Variants in ABLIM2 observed in about 807,000 individuals in gnomAD.
ABLIM2 encodes the protein actin binding LIM protein family member 2, also known as actin-binding LIM protein 2.
In ABLIM2, 53 loss-of-function variants were observed where a neutral mutation model predicts 97.7. The ratio of observed to expected loss-of-function variants is 0.54; its 90% CI spans 0.44 to 0.68. The LOEUF is 0.68. ABLIM2 is among the 30% of genes least tolerant of loss of function. ABLIM2 has a pLI of 0.00. For missense variants in ABLIM2, 835 were observed against 867.2 expected (o/e 0.96, Z 0.47); for synonymous variants, 361 against 345.8 (o/e 1.04, Z -0.49).
At chr4:8,027,229 C>T (rs533633162) in intron 12 of ABLIM2, among the ~76,000 whole-genome samples, 5 of 152,294 alleles carry the variant, frequency 3.3e-5, no homozygotes, top group East Asian at 1.9e-4. Flanking sequence ...CGTTTCCCTG[C>T]GTGACCAGCA....
In ABLIM2 at chr4:8,001,923, C is replaced by T. The variant is rs562860602; in HGVS notation, c.1618+6136G>A. 2.2e-4 allele frequency among the ~76,000 whole-genome samples: 34 copies of T among 152,356 alleles called. 1 individual carries two copies. In the South Asian group the frequency reaches 3.5e-3, roughly 16 times the overall value. ...GCCCGCTTGTCAGCACACACATGTG[C>T]GTGCTCTCTCTCTCTTTTTCTTGCT... On this transcript the variant is annotated intron_variant, in intron 16 of 20. Coordinates refer to ENST00000447017, the MANE Select transcript of ABLIM2 (RefSeq NM_001130083.2). This position sits in a 1 kb window ranked among gnomAD's most constrained non-coding sequence, Gnocchi z 4.2.
rs1057267869 is a variant in ABLIM2 at position 8,002,225 on chromosome 4, C to T, written c.1618+5834G>A. ...GTCTGCCCCCTGGCAACCCCCCGGACGTCTCAGGCTCTCCAAGCCAACATG... is the reference window on the plus strand; with the variant it reads ...GTCTGCCCCCTGGCAACCCCCCGGATGTCTCAGGCTCTCCAAGCCAACATG... On this transcript the variant is annotated intron_variant, in intron 16 of 20. Coordinates refer to ENST00000447017, the MANE Select transcript of ABLIM2 (RefSeq NM_001130083.2). The surrounding 1 kb of genome is among the most constrained non-coding windows in gnomAD (Gnocchi z 6.1). 1.5e-4 allele frequency among the ~76,000 whole-genome samples: 23 copies of T among 152,278 alleles called. No homozygotes were observed. Among genetic ancestry groups the T allele is most frequent in the Admixed American group, 1.2e-3 (18 of 15,298 alleles).
At position 8,127,381 on chromosome 4, in the gene ABLIM2, G is replaced by C. The variant is rs1285687510; in HGVS notation, c.11-20744C>G. 1.3e-5 allele frequency among the ~76,000 whole-genome samples: 2 copies of C among 152,130 alleles called. No individual in the cohort carries two copies. Among genetic ancestry groups the C allele is most frequent in the African/African-American group, 4.8e-5 (2 of 41,422 alleles). ...ACCCACTGGCGCTCGTGGTGCCGGC[G>C]CTCATGACCTTCACGCAGGGCACAA... On this transcript the variant is annotated intron_variant, in intron 1 of 20. Transcript: ENST00000447017. The surrounding 1 kb of genome is among the most constrained non-coding windows in gnomAD (Gnocchi z 7.3).
intron 1 of ABLIM2, among the ~76,000 whole-genome samples, chr4:8,116,085 G>C (rs1488602883): frequency 1.3e-5 from 2 of 152,242 alleles, no homozygotes; most frequent in Non-Finnish European, 2.9e-5. Flanking sequence ...GGTCGGCCCA[G>C]TGAAACCACA....
chr4:8,136,822 G>A (rs958142338), intron 1 of ABLIM2, among the ~76,000 whole-genome samples: 2 of 152,264 alleles, frequency 1.3e-5, no homozygotes, highest in Admixed American at 1.3e-4. Context: ...AGAGCACACA[G>A]CGGGGCCTCC....
chr4:8,152,850 AG>A, intron 1 of ABLIM2, among the ~76,000 whole-genome samples: 1 of 152,150 alleles, frequency 6.6e-6, no homozygotes, highest in East Asian at 1.9e-4. Flanking sequence ...GACTCTGGGG[AG>A]GGGCAGCAAT....
In ABLIM2 at chr4:8,003,561, CTTT is replaced by C. The variant is rs796877068; in HGVS notation, c.1618+4495_1618+4497del. Among the ~76,000 whole-genome samples, 1 of 120,194 alleles carries C rather than the reference CTTT, an allele frequency of 8.3e-6. No homozygotes were observed. The highest frequency in any genetic ancestry group is 1.8e-5 in the Non-Finnish European group (1 of 56,222). The allele number at this position is 120,194 out of a possible 152,430, so 78.9% of individuals were successfully genotyped here. A position where few individuals can be genotyped will look rare whatever the true frequency, so the allele number is the denominator to read the frequency against. Reference sequence around the variant, plus strand: ...ACCACTACGCTCTTCTTCCAGTTTTCTTTTTTTTTTTTTTTTTTTTTGGAGATG... The same window carrying C: ...ACCACTACGCTCTTCTTCCAGTTTTCTTTTTTTTTTTTTTTTTTGGAGATG... On this transcript the variant is annotated intron_variant, in intron 16 of 20. Transcript: ENST00000447017. This position sits in a 1 kb window ranked among gnomAD's most constrained non-coding sequence, Gnocchi z 4.2.
chr4:8,028,578 C>T (rs1307562822), intron 11 of ABLIM2, among the ~76,000 whole-genome samples: 1 of 152,216 alleles, frequency 6.6e-6, no homozygotes, highest in Non-Finnish European at 1.5e-5. Context: ...TGCTCACTCA[C>T]TCATTCAATC....
intron 3 of ABLIM2, among the ~76,000 whole-genome samples, chr4:8,093,685 AT>A (rs1387381333): frequency 6.6e-6 from 1 of 152,162 alleles, no homozygotes; most frequent in Non-Finnish European, 1.5e-5. Context: ...ATGTTGTTCT[AT>A]TGTCTCCTAG....
At chr4:8,039,151 T>C (rs752116704) in intron 9 of ABLIM2, among the ~76,000 whole-genome samples, 9 of 152,156 alleles carry the variant, frequency 5.9e-5, no homozygotes, top group Non-Finnish European at 8.8e-5. Flanking sequence ...AGCTGTGAGG[T>C]TGACAGCAGG....
At chr4:7,968,240 G>A (rs898680940) in intron 20 of ABLIM2, among the ~76,000 whole-genome samples, 13 of 152,278 alleles carry the variant, frequency 8.5e-5, no homozygotes, top group Admixed American at 7.2e-4. Context: ...TCTGAAAAGC[G>A]TGGCTTCAGT....
At chr4:8,009,844 A>G (rs113631212) in intron 14 of ABLIM2, among the ~76,000 whole-genome samples, 2,820 of 152,282 alleles carry the variant, frequency 0.019, 87 homozygotes, top group African/African-American at 0.064. Flanking sequence ...GCTTTGCACC[A>G]TTTCACAGAT....
At position 8,019,801 on chromosome 4, in the gene ABLIM2, C is replaced by T. The variant is rs1772218179; in HGVS notation, c.1370-130G>A. On this transcript the variant is annotated intron_variant, in intron 13 of 20. Coordinates refer to ENST00000447017, the MANE Select transcript of ABLIM2 (RefSeq NM_001130083.2). The surrounding 1 kb of genome is among the most constrained non-coding windows in gnomAD (Gnocchi z 4.3). ...TTTAGAATCATCAGGCAGGAACTGGCACCCAGCGAGCGACAGACACCCAGG... is the reference window on the plus strand; with the variant it reads ...TTTAGAATCATCAGGCAGGAACTGGTACCCAGCGAGCGACAGACACCCAGG... 2.2e-6 allele frequency: 2 copies of T among 918,832 alleles called. No individual in the cohort carries two copies. Among genetic ancestry groups the T allele is most frequent in the South Asian group, 1.5e-5 (1 of 66,984 alleles). 56.9% of individuals were successfully genotyped at this position (918,832 alleles called of 1,614,324 possible). A position where few individuals can be genotyped will look rare whatever the true frequency, so the allele number is the denominator to read the frequency against.
chr4:8,133,274 G>A (rs772938545), intron 1 of ABLIM2, among the ~76,000 whole-genome samples: 2 of 152,214 alleles, frequency 1.3e-5, no homozygotes, highest in Non-Finnish European at 2.9e-5. Flanking sequence ...ATGCAGAGGG[G>A]TCAGGGCTTC....
chr4:8,094,530 A>C (rs1830418165), intron 3 of ABLIM2, among the ~76,000 whole-genome samples: 1 of 152,216 alleles, frequency 6.6e-6, no homozygotes, highest in African/African-American at 2.4e-5. Flanking sequence ...ATGCACCGGT[A>C]ATCAGACAGG....
intron 1 of ABLIM2, among the ~76,000 whole-genome samples, chr4:8,156,882 A>T (rs1244723274): frequency 6.6e-6 from 1 of 152,212 alleles, no homozygotes; most frequent in Non-Finnish European, 1.5e-5. Flanking sequence ...TGCTGTGCGC[A>T]TCATCGGCTG....
At position 8,005,893 on chromosome 4, in the gene ABLIM2, C is replaced by G. The variant is rs928796706; in HGVS notation, c.1618+2166G>C. ...TGTCTGTGCTGGAGCAGAATCTCCC[C>G]GGGGAATTCATGAGTGCAGCACGGG... On this transcript the variant is annotated intron_variant, in intron 16 of 20. Coordinates refer to ENST00000447017, the MANE Select transcript of ABLIM2 (RefSeq NM_001130083.2). The surrounding 1 kb of genome is among the most constrained non-coding windows in gnomAD (Gnocchi z 4.9). 6.6e-6 allele frequency among the ~76,000 whole-genome samples: 1 copy of G among 152,322 alleles called. No homozygotes were observed. The highest frequency in any genetic ancestry group is 6.5e-5 in the Admixed American group (1 of 15,304).
At position 7,967,530 on chromosome 4, in the gene ABLIM2, C is replaced by T. The variant is rs79913415; in HGVS notation, c.1825-427G>A. ...GAGCAGGAGGTGGAAGGTTTACCCC[C>T]GGGACTTCGTAGCCCAGGAGGGTGG... On this transcript the variant is annotated intron_variant, in intron 20 of 20. Transcript: ENST00000447017. Among the ~76,000 whole-genome samples, 1,452 of 152,312 alleles carry T rather than the reference C, an allele frequency of 9.5e-3. 15 individuals carry two copies. The highest frequency in any genetic ancestry group is 0.032 in the African/African-American group (1,312 of 41,584).
rs73075910 is a variant in ABLIM2 at position 8,089,166 on chromosome 4, C to T, written c.339-882G>A. ...CCTGGAGTGAGGCCAGGTGAGGGAC[C>T]GCAGAGAGCTGGCCCATCCTCCTGC... On this transcript the variant is annotated intron_variant, in intron 3 of 20. Coordinates refer to ENST00000447017, the MANE Select transcript of ABLIM2 (RefSeq NM_001130083.2). 4.5e-3 allele frequency among the ~76,000 whole-genome samples: 688 copies of T among 152,304 alleles called. 6 individuals are homozygous for T. Among genetic ancestry groups the T allele is most frequent in the African/African-American group, 0.016 (659 of 41,572 alleles).
Sources: gnomAD v4.1 joint callset for allele counts (sites outside exome capture counted in the v4.1 genomes callset) on GRCh38, gnomAD v4.1.1 for gene constraint, Gnocchi (gnomAD v3.1) non-coding constraint, MANE v1.5 for transcripts, NCBI Gene and HGNC (gene_info 2026-07-23, HGNC 2026-07-21) for gene names.